The following PDE4D variants were observed in gnomAD, a reference collection of about 807,000 sequenced individuals.
The protein encoded by PDE4D is phosphodiesterase 4D.
Under a neutral mutation model 87.4 loss-of-function variants are expected in PDE4D, and 24 were observed. That is an observed-to-expected ratio of 0.27 (90% CI 0.20 to 0.39). The LOEUF (loss-of-function observed/expected upper bound fraction) is 0.39, where lower values mean the gene tolerates loss of function less well. Among genes scored for constraint, PDE4D ranks in the 10% least tolerant of loss-of-function variants. PDE4D has a pLI of 1.00. For missense variants in PDE4D, 714 were observed against 1,041.0 expected, an observed-to-expected ratio of 0.69 and a Z score of 4.32; for synonymous variants, 384 against 383.2, an observed-to-expected ratio of 1.00 and a Z score of -0.02.
chr5:60,349,237 G>T (rs943205879), intron 1 of PDE4D, among the ~76,000 whole-genome samples: 1 of 152,030 alleles, frequency 6.6e-6, no homozygotes, highest in African/African-American at 2.4e-5. Flanking sequence ...CTCTTGCATG[G>T]ATATTTTCGT....
At chr5:59,052,127 A>G (rs1761643825) in intron 5 of PDE4D, among the ~76,000 whole-genome samples, 1 of 152,206 alleles carries the variant, frequency 6.6e-6, no homozygotes, top group Non-Finnish European at 1.5e-5. Flanking sequence ...GCTGCTGCCT[A>G]GAGACAGTGT....
chr5:59,932,241 C>T (rs994507765), intron 3 of PDE4D, among the ~76,000 whole-genome samples: 1 of 152,146 alleles, frequency 6.6e-6, no homozygotes, highest in Non-Finnish European at 1.5e-5. Flanking sequence ...TGCAGTTCAA[C>T]TCAACAGATA....
intron 1 of PDE4D, chr5:59,592,288 A>G (rs1469544356): frequency 4.1e-6 from 1 of 241,612 alleles, no homozygotes; most frequent in African/African-American, 2.3e-5. Context: ...GTCTGAAGGC[A>G]TGCTGTTCTG....
chr5:59,727,557 C>A (rs896756331), intron 1 of PDE4D, among the ~76,000 whole-genome samples: 3 of 151,838 alleles, frequency 2.0e-5, no homozygotes, highest in African/African-American at 7.3e-5. Context: ...AGAACATAAA[C>A]AAACAAATAA....
intron 1 of PDE4D, among the ~76,000 whole-genome samples, chr5:60,359,899 A>G (rs1759917373): frequency 6.6e-6 from 1 of 152,156 alleles, no homozygotes; most frequent in African/African-American, 2.4e-5. Flanking sequence ...CCAACATGAC[A>G]TGCTCCTTCC....
At chr5:59,129,487 G>A (rs1360695416) in intron 5 of PDE4D, among the ~76,000 whole-genome samples, 1 of 152,176 alleles carries the variant, frequency 6.6e-6, no homozygotes, top group East Asian at 1.9e-4. Flanking sequence ...AGCTCCCTGA[G>A]CCCAGCCATC....
chr5:60,074,047 T>A (rs1450164231), intron 2 of PDE4D, among the ~76,000 whole-genome samples: 1 of 152,130 alleles, frequency 6.6e-6, no homozygotes, highest in African/African-American at 2.4e-5. Flanking sequence ...TGATTCTGGT[T>A]ATTTACTGTC....
intron 6 of PDE4D, among the ~76,000 whole-genome samples, chr5:58,995,842 C>A (rs1561263439): frequency 6.6e-6 from 1 of 152,148 alleles, no homozygotes; most frequent in Non-Finnish European, 1.5e-5. Flanking sequence ...AAATGTCATG[C>A]ATACACAGGT....
chr5:60,462,559 C>T (rs747610705), intron 1 of PDE4D, among the ~76,000 whole-genome samples: 1 of 152,138 alleles, frequency 6.6e-6, no homozygotes, highest in African/African-American at 2.4e-5. Context: ...TCTCTGTTTC[C>T]TATCCTCACG....
chr5:59,600,837 T>C (rs2150028732), intron 1 of PDE4D, among the ~76,000 whole-genome samples: 1 of 152,292 alleles, frequency 6.6e-6, no homozygotes, highest in African/African-American at 2.4e-5. Flanking sequence ...TAAAAACAAA[T>C]AAAAGCTATG....
intron 1 of PDE4D, among the ~76,000 whole-genome samples, chr5:59,405,687 TTTCC>T (rs1326406608): frequency 2.6e-5 from 4 of 152,226 alleles, no homozygotes; most frequent in African/African-American, 9.6e-5. Flanking sequence ...CATATATGGC[TTTCC>T]TTGTGTTCAG....
At chr5:59,448,662 C>T (rs773076416) in intron 1 of PDE4D, among the ~76,000 whole-genome samples, 6 of 151,872 alleles carry the variant, frequency 4.0e-5, no homozygotes, top group African/African-American at 1.2e-4. Context: ...CCCTTTTTGG[C>T]GGGGGAGGTG....
chr5:60,481,329 T>A (rs1017169631), intron 1 of PDE4D, among the ~76,000 whole-genome samples: 2 of 152,042 alleles, frequency 1.3e-5, no homozygotes, highest in African/African-American at 4.8e-5. Context: ...TAGAATAATC[T>A]GAAAAAAAAT....
intron 1 of PDE4D, chr5:60,487,876 A>G (rs1220011059): frequency 1.3e-5 from 2 of 151,378 alleles, no homozygotes; most frequent in Non-Finnish European, 2.9e-5. Flanking sequence ...TCTACTTACA[A>G]TCACTCCCTC....
At chr5:59,543,047 G>C (rs1816640666) in intron 1 of PDE4D, among the ~76,000 whole-genome samples, 1 of 152,126 alleles carries the variant, frequency 6.6e-6, no homozygotes, top group Non-Finnish European at 1.5e-5. Context: ...AGAGTGAAAA[G>C]GATCTGCTGA....
intron 1 of PDE4D, among the ~76,000 whole-genome samples, chr5:59,813,778 A>G (rs894174408): frequency 6.6e-6 from 1 of 152,152 alleles, no homozygotes; most frequent in African/African-American, 2.4e-5. Context: ...TTGGCACATC[A>G]CTGTCTGGGC....
At position 58,970,613 on chromosome 5, in the gene PDE4D, G is replaced by A. The variant is rs1256374965; in HGVS notation, c.*4051C>T. On this transcript the variant is annotated 3_prime_UTR_variant, in exon 15 of 15. Transcript: ENST00000340635. ...GTGAATGCTTTCTGCTATGTAAACT[G>A]ACATCAACCCACCTTTGCGTTTAAA... is the stretch of plus-strand genomic sequence containing the variant. 1 of 152,156 alleles carries A rather than the reference G, an allele frequency of 6.6e-6. No individual in the cohort carries two copies. The highest frequency in any genetic ancestry group is 1.9e-4 in the East Asian group (1 of 5,188). The allele number at this position is 152,156 out of a possible 1,614,324, so 9.4% of individuals were successfully genotyped here.
intron 2 of PDE4D, among the ~76,000 whole-genome samples, chr5:59,213,620 C>T (rs909037065): frequency 2.0e-5 from 3 of 152,106 alleles, no homozygotes; most frequent in Admixed American, 6.6e-5. Context: ...GTTCTTTCTT[C>T]CTACTCCACC....
chr5:60,265,591 A>G (rs569252440), intron 1 of PDE4D, among the ~76,000 whole-genome samples: 1 of 152,266 alleles, frequency 6.6e-6, no homozygotes, highest in South Asian at 2.1e-4. Flanking sequence ...AGAATGATTT[A>G]TAGGCTGCCT....
Sources: gnomAD v4.1 joint callset for allele counts (sites outside exome capture counted in the v4.1 genomes callset) on GRCh38, gnomAD v4.1.1 for gene constraint, MANE v1.5 for transcripts, NCBI Gene and HGNC (gene_info 2026-07-23, HGNC 2026-07-21) for gene names.